GFPT1: variants seen among roughly 807,000 people sequenced by gnomAD.
The protein encoded by GFPT1 is glutamine--fructose-6-phosphate aminotransferase [isomerizing] 1.
GFPT1 carries 40 observed loss-of-function variants against 92.0 expected under a neutral mutation model. The observed-to-expected ratio is 0.43, with a 90% confidence interval of 0.34 to 0.57. The LOEUF (loss-of-function observed/expected upper bound fraction) is 0.57. Among genes scored for constraint, GFPT1 ranks in the 20% least tolerant of loss-of-function variants. The pLI, the probability that GFPT1 is intolerant of heterozygous loss-of-function variation, is 0.02. For synonymous variants in GFPT1, 269 were observed against 280.6 expected, an observed-to-expected ratio of 0.96 and a Z score of 0.41; for missense variants, 448 against 869.1, an observed-to-expected ratio of 0.52 and a Z score of 6.09.
At chr2:69,387,016 GCA>G in intron 1 of GFPT1, 47 bp downstream of exon 1, 1 of 1,394,722 alleles carries the variant, frequency 7.2e-7, no homozygotes, top group Non-Finnish European at 9.8e-7. Flanking sequence ...CACCCGCACC[GCA>G]CCCCAGCGCC....
intron 1 of GFPT1, among the ~76,000 whole-genome samples, chr2:69,374,601 C>A (rs1558779758): frequency 6.6e-6 from 1 of 152,186 alleles, no homozygotes; most frequent in Admixed American, 6.5e-5. Flanking sequence ...GTGTGAGCCA[C>A]TGCACCTGGC....
chr2:69,365,753 T>C (rs966802866), intron 3 of GFPT1, among the ~76,000 whole-genome samples: 2 of 152,252 alleles, frequency 1.3e-5, no homozygotes, highest in South Asian at 2.1e-4. Flanking sequence ...TCAAGAAAAA[T>C]ACCATTTACC....
At chr2:69,351,487 C>T (rs1671205344) in intron 9 of GFPT1, among the ~76,000 whole-genome samples, 1 of 152,160 alleles carries the variant, frequency 6.6e-6, no homozygotes, top group Non-Finnish European at 1.5e-5. Context: ...TCTTAAAATG[C>T]ACATATAAAG....
intron 12 of GFPT1, among the ~76,000 whole-genome samples, chr2:69,344,821 A>T (rs1671046051): frequency 6.6e-6 from 1 of 151,636 alleles, no homozygotes; most frequent in Admixed American, 6.6e-5. Flanking sequence ...TTTTTTAAAA[A>T]TTTTTAGTAA....
chr2:69,321,010 G>A lies in GFPT1; in HGVS notation c.*5179C>T, dbSNP rs1303076918. ...AACGCAGCAGGTGCTATAACCACTAGGGATAGACTCTAGCTTGCTGTTCAT... is the reference window on the plus strand; with the variant it reads ...AACGCAGCAGGTGCTATAACCACTAAGGATAGACTCTAGCTTGCTGTTCAT... On this transcript the variant is annotated 3_prime_UTR_variant, in exon 20 of 20. Coordinates refer to ENST00000357308, the MANE Select transcript of GFPT1 (RefSeq NM_001244710.2). The A allele has an allele frequency of 6.6e-6, 1 of 152,186 alleles. No individual in the cohort carries two copies. Among genetic ancestry groups the A allele is most frequent in the Non-Finnish European group, 1.5e-5 (1 of 68,048 alleles). 9.4% of individuals were successfully genotyped at this position (152,186 alleles called of 1,614,324 possible). A position where few individuals can be genotyped will look rare whatever the true frequency, so the allele number is the denominator to read the frequency against.
At chr2:69,326,829 T>A in intron 19 of GFPT1, 85 bp downstream of exon 19, 1 of 1,291,892 alleles carries the variant, frequency 7.7e-7, no homozygotes, top group East Asian at 2.3e-5. Flanking sequence ...TCTCAAACAC[T>A]ATTGTTAAAA....
chr2:69,376,041 T>C (rs62135766), intron 1 of GFPT1, among the ~76,000 whole-genome samples: 2 of 152,232 alleles, frequency 1.3e-5, no homozygotes, highest in Admixed American at 6.5e-5. Context: ...TCATGAAGTA[T>C]CTGTAATATG....
chr2:69,376,281 G>A (rs922405744), intron 1 of GFPT1, among the ~76,000 whole-genome samples: 3 of 152,254 alleles, frequency 2.0e-5, no homozygotes, highest in African/African-American at 7.2e-5. Context: ...AGCTAAGGCA[G>A]GCGCATCACC....
At chr2:69,371,407 T>TA (rs1671745161) in intron 2 of GFPT1, 1 of 151,894 alleles carries the variant, frequency 6.6e-6, no homozygotes. Context: ...ATGCAAAGTT[T>TA]AAAATATCAT....
chr2:69,376,932 G>C (rs1029737348), intron 1 of GFPT1, among the ~76,000 whole-genome samples: 1 of 151,844 alleles, frequency 6.6e-6, no homozygotes, highest in Non-Finnish European at 1.5e-5. Flanking sequence ...TAATGCGGCA[G>C]GGCTGGGTGG....
chr2:69,370,508 A>C (rs1671720478), intron 2 of GFPT1, among the ~76,000 whole-genome samples: 1 of 152,236 alleles, frequency 6.6e-6, no homozygotes, highest in Non-Finnish European at 1.5e-5. Flanking sequence ...TAAGTTGCTA[A>C]GGAATTTGAA....
chr2:69,329,756 T>TAAGGGCAAACATCAC lies in GFPT1; in HGVS notation c.1510_1524dup (p.Val504_Leu508dup). On this transcript the variant is annotated inframe_insertion, in exon 16 of 20. Coordinates refer to ENST00000357308, the MANE Select transcript of GFPT1 (RefSeq NM_001244710.2). Reference sequence around the variant, plus strand: ...ATGGAGATCCGATCATCACACATCATAAGGGCAAACATCACAAGGGATACA... The same window carrying TAAGGGCAAACATCAC: ...ATGGAGATCCGATCATCACACATCATAAGGGCAAACATCACAAGGGCAAACATCACAAGGGATACA... The TAAGGGCAAACATCAC allele has an allele frequency of 6.2e-7, 1 of 1,612,956 alleles. No homozygotes were observed. Among genetic ancestry groups the TAAGGGCAAACATCAC allele is most frequent in the Non-Finnish European group, 8.5e-7 (1 of 1,178,964 alleles).
chr2:69,365,888 C>CT (rs1671599310), intron 3 of GFPT1, among the ~76,000 whole-genome samples: 1 of 152,110 alleles, frequency 6.6e-6, no homozygotes, highest in African/African-American at 2.4e-5. Context: ...TCTTGGCTCA[C>CT]TGCAACCTCT....
At chr2:69,329,029 A>G (rs995933306) in intron 17 of GFPT1, among the ~76,000 whole-genome samples, 1 of 152,118 alleles carries the variant, frequency 6.6e-6, no homozygotes, top group Non-Finnish European at 1.5e-5. Context: ...TTTCTTATCT[A>G]GAGAACTTAA....
At position 69,370,108 on chromosome 2, in the gene GFPT1, C is replaced by G; in HGVS notation, c.116G>C (p.Gly39Ala). 6.3e-7 allele frequency: 1 copy of G among 1,589,116 alleles called. No homozygotes were observed. The highest frequency in any genetic ancestry group is 8.6e-7 in the Non-Finnish European group (1 of 1,157,200). ...ATCATTGCCTCCATCAAATCCCACA[C>G]CTAAACCATCATGAGGTAAAAAAGC... The part of the protein sequence containing the change: ...RLEYRGYDSA[G>A]VGFDGGNDKD... Residue 39 changes from glycine (G) to alanine (A), a missense_variant and splice_region_variant, in exon 3 of 20, where the codon GGT becomes GCT. Physicochemically the swap from Gly to Ala is moderately conservative, Grantham distance 60 (BLOSUM62 0). Coordinates refer to ENST00000357308, the MANE Select transcript of GFPT1 (RefSeq NM_001244710.2).
intron 15 of GFPT1, among the ~76,000 whole-genome samples, chr2:69,333,793 T>C (rs530703589): frequency 2.4e-4 from 36 of 152,312 alleles, no homozygotes; most frequent in African/African-American, 8.4e-4. Flanking sequence ...TCAGGCAAAG[T>C]TGAGAATTTA....
chr2:69,379,073 T>C (rs1275269489), intron 1 of GFPT1, among the ~76,000 whole-genome samples: 2 of 152,134 alleles, frequency 1.3e-5, no homozygotes, highest in Non-Finnish European at 2.9e-5. Context: ...ACCAAGACCC[T>C]GTCTCTATTA....
chr2:69,384,692 A>C (rs1403200201), intron 1 of GFPT1, among the ~76,000 whole-genome samples: 2 of 56,636 alleles, frequency 3.5e-5, no homozygotes, highest in African/African-American at 1.6e-4. Context: ...AGGCCCCGTC[A>C]CAAAAAAAAA....
At chr2:69,330,203 CA>C (rs911756011) in intron 15 of GFPT1, among the ~76,000 whole-genome samples, 1 of 151,984 alleles carries the variant, frequency 6.6e-6, no homozygotes, top group Non-Finnish European at 1.5e-5. Context: ...ACCCTGTCTC[CA>C]AAAAACAAAA....
Sources: allele counts gnomAD v4.1 joint callset (sites outside exome capture counted in the v4.1 genomes callset), GRCh38; gene constraint gnomAD v4.1.1; transcripts MANE v1.5; gene names NCBI Gene and HGNC (gene_info 2026-07-23, HGNC 2026-07-21).